The following TANC1 variants were observed in gnomAD, a reference collection of about 807,000 sequenced individuals.
TANC1 encodes the protein protein TANC1.
In TANC1, 77 loss-of-function variants were observed where a neutral mutation model predicts 149.7. That is an observed-to-expected ratio of 0.51 (90% confidence interval 0.43 to 0.62). The LOEUF is 0.62. TANC1 is among the 20% of genes least tolerant of loss of function. TANC1 has a pLI of 0.00. For synonymous variants in TANC1, 854 were observed against 925.0 expected (o/e 0.92, Z 1.39); for missense variants, 1,985 against 2,321.8 (o/e 0.85, Z 2.98).
rs889009799 is a variant in TANC1, at chr2:159,050,284, T to A, written c.-15-15612T>A. Among the ~76,000 whole-genome samples, 5 of 152,208 alleles carry A rather than the reference T, an allele frequency of 3.3e-5. No individual in the cohort carries two copies. In the East Asian group the frequency reaches 9.7e-4, roughly 29 times the overall value. On this transcript the variant is annotated intron_variant, in intron 2 of 26. Transcript: ENST00000263635. ...CACTCCCAGCTAATTAAAAAAAAAT[T>A]TTTTTTGTAGAAACAAAGACTCACA...
chr2:158,991,861 T>C (rs1040386295), intron 1 of TANC1, among the ~76,000 whole-genome samples: 2 of 152,292 alleles, frequency 1.3e-5, no homozygotes, highest in South Asian at 2.1e-4. Context: ...TACAGTGTCA[T>C]AGTATTATGC....
chr2:159,177,764 A>G (rs988793530), intron 13 of TANC1, among the ~76,000 whole-genome samples: 1 of 152,226 alleles, frequency 6.6e-6, no homozygotes, highest in African/African-American at 2.4e-5. Context: ...TAAAAAGGCA[A>G]AACTCTTCTT....
At chr2:159,163,024 A>G (rs2054201582) in intron 7 of TANC1, among the ~76,000 whole-genome samples, 1 of 152,248 alleles carries the variant, frequency 6.6e-6, no homozygotes, top group African/African-American at 2.4e-5. Flanking sequence ...GATACTTTTT[A>G]GACAATTTTT....
At position 159,136,299 on chromosome 2, in the gene TANC1, G is replaced by C. The variant is rs1473790681; in HGVS notation, c.364+1G>C. The stretch of plus-strand genomic sequence containing the variant: ...AAGCCAACAGAGCCTGATGAGCATG[G>C]TAAGAATTTCAGTGATTTCCTTCCC... On this transcript the variant is annotated splice_donor_variant, in intron 5 of 26. Transcript: ENST00000263635. LOFTEE classifies it high-confidence loss of function. The C allele has an allele frequency of 1.3e-6, 2 of 1,558,350 alleles. No individual in the cohort carries two copies. The highest frequency in any genetic ancestry group is 2.7e-5 in the African/African-American group (2 of 73,770).
chr2:159,192,909 C>CA (rs1260352383), intron 16 of TANC1, among the ~76,000 whole-genome samples: 1 of 152,212 alleles, frequency 6.6e-6, no homozygotes, highest in East Asian at 1.9e-4. Flanking sequence ...CTCAGCCTCC[C>CA]AAAGTGGTGG....
intron 2 of TANC1, among the ~76,000 whole-genome samples, chr2:159,065,486 C>T (rs956852274): frequency 1.3e-4 from 20 of 152,138 alleles, no homozygotes; most frequent in African/African-American, 2.7e-4. Flanking sequence ...TGCCTTTAAC[C>T]ATGTAGCTTC....
Position 158,980,905 on chromosome 2 carries a change from A to G in TANC1, c.-126+12123A>G, listed in dbSNP as rs186153295. Among the ~76,000 whole-genome samples, 32 of 152,202 alleles carry G rather than the reference A, an allele frequency of 2.1e-4. No homozygotes were observed. The East Asian group carries it at 5.6e-3, about 27-fold the overall frequency. On this transcript the variant is annotated intron_variant, in intron 1 of 26. Transcript: ENST00000263635. ...TTGTTTGTCTCTTTCGTCTTTTTAA[A>G]TGTAGAAAAATAATATCTCATTACT...
intron 7 of TANC1, among the ~76,000 whole-genome samples, chr2:159,151,989 A>G (rs946823327): frequency 6.6e-6 from 1 of 152,070 alleles, no homozygotes; most frequent in African/African-American, 2.4e-5. Flanking sequence ...TAGAAGGCAC[A>G]CTCTATTTCC....
chr2:159,019,379 T>A (rs2038589255), intron 2 of TANC1, among the ~76,000 whole-genome samples: 1 of 152,192 alleles, frequency 6.6e-6, no homozygotes, highest in Non-Finnish European at 1.5e-5. Context: ...ACTTGCAAAT[T>A]TTCAAGAGAA....
At chr2:158,983,355 T>A (rs2034599286) in intron 1 of TANC1, among the ~76,000 whole-genome samples, 1 of 150,724 alleles carries the variant, frequency 6.6e-6, no homozygotes, top group Non-Finnish European at 1.5e-5. Context: ...TAGTCCCAGC[T>A]ACTCGGGAGG....
intron 16 of TANC1, among the ~76,000 whole-genome samples, chr2:159,192,611 G>T (rs936524340): frequency 1.3e-5 from 2 of 152,000 alleles, no homozygotes; most frequent in African/African-American, 4.8e-5. Context: ...CAGGGGGTGG[G>T]GCCCAAGAAT....
chr2:158,991,589 T>C (rs1019507741), intron 1 of TANC1, among the ~76,000 whole-genome samples: 1 of 151,758 alleles, frequency 6.6e-6, no homozygotes, highest in African/African-American at 2.4e-5. Flanking sequence ...CCATCTCTAC[T>C]AAAAATACAA....
intron 2 of TANC1, among the ~76,000 whole-genome samples, chr2:159,020,697 C>T (rs183131584): frequency 2.0e-5 from 3 of 152,266 alleles, no homozygotes; most frequent in African/African-American, 7.2e-5. Flanking sequence ...AATGTACTGG[C>T]TTTGCCTATG....
chr2:159,060,166 T>C (rs142685905), intron 2 of TANC1: 1 of 688,082 alleles, frequency 1.5e-6, no homozygotes, highest in Non-Finnish European at 1.8e-6. Flanking sequence ...ACACAGAGGA[T>C]GTTTTTGATG....
In TANC1 at chr2:159,060,189, A is replaced by G. The variant is rs77854174; in HGVS notation, c.-15-5707A>G. The stretch of plus-strand genomic sequence containing the variant: ...GATGTTTTTGATGCTTCTTTGAAGC[A>G]AAGAAGAAAAATGTCTTAATTAAGT... On this transcript the variant is annotated intron_variant, in intron 2 of 26. Coordinates refer to ENST00000263635, the MANE Select transcript of TANC1 (RefSeq NM_033394.3). The G allele has an allele frequency of 1.7e-3, 703 of 423,048 alleles. 7 individuals are homozygous for G. Among genetic ancestry groups the G allele is most frequent in the African/African-American group, 0.014 (648 of 46,562 alleles). The allele number at this position is 423,048 out of a possible 1,614,324, so 26.2% of individuals were successfully genotyped here.
intron 1 of TANC1, among the ~76,000 whole-genome samples, chr2:158,997,686 T>C (rs1315453930): frequency 6.6e-6 from 1 of 152,188 alleles, no homozygotes; most frequent in Non-Finnish European, 1.5e-5. Flanking sequence ...CTGGAATAAT[T>C]TGAGCAACAA....
rs1470595595 is a variant in TANC1 at position 159,224,138 on chromosome 2, A to G, written c.3679-94A>G. 13 of 1,450,624 alleles carry G rather than the reference A, an allele frequency of 9.0e-6. No homozygotes were observed. In the East Asian group the frequency reaches 2.7e-4, roughly 31 times the overall value. The allele number at this position is 1,450,624 out of a possible 1,614,324, so 89.9% of individuals were successfully genotyped here. A position where few individuals can be genotyped will look rare whatever the true frequency, so the allele number is the denominator to read the frequency against. Reference sequence around the variant, plus strand: ...TCCTTAATAGGCAGAGGCATCTAAAATCAGAGTGAAGCTAAGACTGCCCAC... The same window carrying G: ...TCCTTAATAGGCAGAGGCATCTAAAGTCAGAGTGAAGCTAAGACTGCCCAC... On this transcript the variant is annotated intron_variant, in intron 22 of 26. Coordinates refer to ENST00000263635, the MANE Select transcript of TANC1 (RefSeq NM_033394.3).
At chr2:159,150,667 G>T in intron 7 of TANC1, 111 bp downstream of exon 7, 1 of 785,126 alleles carries the variant, frequency 1.3e-6, no homozygotes, top group Non-Finnish European at 2.1e-6. Flanking sequence ...CAGTCTGCCA[G>T]CGCCTGCTCT....
At position 159,031,588 on chromosome 2, in the gene TANC1, G is replaced by A. The variant is rs544607946; in HGVS notation, c.-16+30399G>A. The stretch of plus-strand genomic sequence containing the variant: ...AATTATAACCCTATATTACAGAACT[G>A]TCAGTTAAATTCATGAAAGTACTCT... On this transcript the variant is annotated intron_variant, in intron 2 of 26. Transcript: ENST00000263635. Among the ~76,000 whole-genome samples the A allele has an allele frequency of 2.0e-5, 3 of 152,332 alleles. No individual in the cohort carries two copies. In the South Asian group the frequency reaches 6.2e-4, roughly 32 times the overall value.
Sources: allele counts gnomAD v4.1 joint callset (sites outside exome capture counted in the v4.1 genomes callset), GRCh38; gene constraint gnomAD v4.1.1; transcripts MANE v1.5; gene names NCBI Gene and HGNC (gene_info 2026-07-23, HGNC 2026-07-21).